The following PPFIA2 variants were observed in gnomAD, a reference collection of about 807,000 sequenced individuals.
The protein encoded by PPFIA2 is PPFI scaffold protein A2.
Under a neutral mutation model 175.5 loss-of-function variants are expected in PPFIA2, and 46 were observed. The ratio of observed to expected loss-of-function variants is 0.26; its 90% CI spans 0.21 to 0.34. The LOEUF is 0.34. Ranked by LOEUF, PPFIA2 falls within the 10% of genes least tolerant of loss-of-function variation. The pLI, the probability that PPFIA2 is intolerant of heterozygous loss-of-function variation, is 1.00. For missense variants in PPFIA2, 1,179 were observed against 1,506.1 expected (o/e 0.78, Z 3.60); for synonymous variants, 568 against 511.4 (o/e 1.11, Z -1.49).
At chr12:81,392,283 A>C (rs2040273409) in intron 8 of PPFIA2, among the ~76,000 whole-genome samples, 1 of 151,930 alleles carries the variant, frequency 6.6e-6, no homozygotes, top group Non-Finnish European at 1.5e-5. Context: ...TTTTTTGAGA[A>C]GAGAAAATCT....
intron 3 of PPFIA2, among the ~76,000 whole-genome samples, chr12:81,691,419 G>A (rs1341149175): frequency 6.6e-6 from 1 of 151,966 alleles, no homozygotes; most frequent in Non-Finnish European, 1.5e-5. Flanking sequence ...AGTTTCAGTG[G>A]GCAGTTTCCT....
intron 4 of PPFIA2, among the ~76,000 whole-genome samples, chr12:81,522,760 G>A (rs1055519122): frequency 2.6e-5 from 4 of 152,142 alleles, no homozygotes; most frequent in Non-Finnish European, 5.9e-5. Flanking sequence ...TTCACAGAAC[G>A]GTTTTTCTCC....
At chr12:81,544,625 A>G (rs2066713290) in intron 4 of PPFIA2, among the ~76,000 whole-genome samples, 2 of 152,164 alleles carry the variant, frequency 1.3e-5, no homozygotes, top group South Asian at 4.1e-4. Context: ...ACAGACTGTT[A>G]CCACTATTCT....
chr12:81,588,427 G>T (rs1185386177), intron 4 of PPFIA2, among the ~76,000 whole-genome samples: 2 of 151,944 alleles, frequency 1.3e-5, no homozygotes, highest in Non-Finnish European at 2.9e-5. Flanking sequence ...CTCTGCTAAA[G>T]CCATTTCATC....
chr12:81,603,042 A>C (rs568884061), intron 4 of PPFIA2, among the ~76,000 whole-genome samples: 1 of 151,954 alleles, frequency 6.6e-6, no homozygotes, highest in South Asian at 2.1e-4. Flanking sequence ...TTTCTAATCA[A>C]TATAATCAAA....
chr12:81,470,511 G>A (rs2056536563), intron 4 of PPFIA2, among the ~76,000 whole-genome samples: 1 of 152,154 alleles, frequency 6.6e-6, no homozygotes, highest in Non-Finnish European at 1.5e-5. Flanking sequence ...CAGTTTGTCA[G>A]TTTCTCAAGC....
intron 4 of PPFIA2, among the ~76,000 whole-genome samples, chr12:81,586,066 C>A (rs530485293): frequency 6.6e-6 from 1 of 151,968 alleles, no homozygotes; most frequent in Non-Finnish European, 1.5e-5. Context: ...TTGTCATTGA[C>A]CACAATGTCA....
At chr12:81,447,977 G>T (rs1252124931) in intron 5 of PPFIA2, among the ~76,000 whole-genome samples, 1 of 151,942 alleles carries the variant, frequency 6.6e-6, no homozygotes, top group Non-Finnish European at 1.5e-5. Context: ...CAAAAATAAT[G>T]AAACCTTTAC....
intron 4 of PPFIA2, among the ~76,000 whole-genome samples, chr12:81,537,836 G>T (rs2065632629): frequency 6.6e-6 from 1 of 151,770 alleles, no homozygotes; most frequent in African/African-American, 2.4e-5. Context: ...GAAGAGAACT[G>T]GCTGGCTAAA....
intron 4 of PPFIA2, among the ~76,000 whole-genome samples, chr12:81,534,122 C>A (rs1465017627): frequency 6.6e-6 from 1 of 151,384 alleles, no homozygotes; most frequent in African/African-American, 2.4e-5. Flanking sequence ...ATTTTCCTTT[C>A]ATGGAGGTTG....
At position 81,642,658 on chromosome 12, in the gene PPFIA2, C is replaced by CATACATACATGTATA. The variant is rs1567685600; in HGVS notation, c.303+34132_303+34133insTATACATGTATGTAT. The stretch of plus-strand genomic sequence containing the variant: ...CTATTATATACATACATGTATGTAT[C>CATACATACATGTATA]TATTATATACATACATGTATGTATC... On this transcript the variant is annotated intron_variant, in intron 4 of 32. Transcript: ENST00000549396. 1.4e-3 allele frequency among the ~76,000 whole-genome samples: 60 copies of CATACATACATGTATA among 43,576 alleles called. 9 individuals carry two copies. The highest frequency in any genetic ancestry group is 4.8e-3 in the African/African-American group (56 of 11,744). The allele number at this position is 43,576 out of a possible 152,430, so 28.6% of individuals were successfully genotyped here. A position where few individuals can be genotyped will look rare whatever the true frequency, so the allele number is the denominator to read the frequency against.
intron 4 of PPFIA2, 31 bp downstream of exon 4, chr12:81,676,760 A>G (rs2072589612): frequency 2.0e-6 from 3 of 1,494,076 alleles, no homozygotes; most frequent in Non-Finnish European, 2.7e-6. Context: ...CAATTCATCA[A>G]TAGTTAAATT....
chr12:81,379,484 C>T, intron 9 of PPFIA2, among the ~76,000 whole-genome samples: 1 of 152,068 alleles, frequency 6.6e-6, no homozygotes, highest in East Asian at 1.9e-4. Flanking sequence ...GTTGGAAATA[C>T]AGGATGGTTT....
intron 4 of PPFIA2, among the ~76,000 whole-genome samples, chr12:81,662,210 T>G (rs532476403): frequency 6.6e-6 from 1 of 152,054 alleles, no homozygotes; most frequent in Admixed American, 6.5e-5. Context: ...AGAGCAGAAC[T>G]GAAGGAGATA....
In PPFIA2 at chr12:81,374,614, C is replaced by A. The variant is rs747490689; in HGVS notation, c.1266+20G>T. ...TTTCTACAAATATATCTAGGTTGAC[C>A]AGTTGTTCTAGTGCAGTACCTTGGT... On this transcript the variant is annotated intron_variant, in intron 11 of 32. Transcript: ENST00000549396. The A allele has an allele frequency of 1.3e-6, 2 of 1,582,360 alleles. No homozygotes were observed. Among genetic ancestry groups the A allele is most frequent in the Non-Finnish European group, 1.7e-6 (2 of 1,165,818 alleles).
At chr12:81,426,539 TGGTAAA>T (rs1487690409) in intron 7 of PPFIA2, among the ~76,000 whole-genome samples, 3 of 152,146 alleles carry the variant, frequency 2.0e-5, no homozygotes, top group African/African-American at 7.2e-5. Context: ...TAATAGTATA[TGGTAAA>T]TACCAACTGA....
At chr12:81,606,445 T>C (rs1298393655) in intron 4 of PPFIA2, among the ~76,000 whole-genome samples, 43 of 152,094 alleles carry the variant, frequency 2.8e-4, no homozygotes, top group Non-Finnish European at 2.9e-5. Context: ...CAATAGTGTA[T>C]AAGTGTTCTC....
chr12:81,670,720 C>G (rs1295600153), intron 4 of PPFIA2, among the ~76,000 whole-genome samples: 1 of 151,888 alleles, frequency 6.6e-6, no homozygotes, highest in Non-Finnish European at 1.5e-5. Flanking sequence ...TACAATTACT[C>G]TCACCAAGAT....
At chr12:81,380,546 A>G (rs1232097144) in intron 9 of PPFIA2, among the ~76,000 whole-genome samples, 1 of 150,600 alleles carries the variant, frequency 6.6e-6, no homozygotes, top group East Asian at 2.0e-4. Flanking sequence ...TGAAAAAAAA[A>G]GATCCAAATA....
Sources: gnomAD v4.1 joint callset for allele counts (sites outside exome capture counted in the v4.1 genomes callset) on GRCh38, gnomAD v4.1.1 for gene constraint, MANE v1.5 for transcripts, NCBI Gene and HGNC (gene_info 2026-07-23, HGNC 2026-07-21) for gene names.